Variants in LHX2 observed in about 807,000 individuals in gnomAD.
LHX2 encodes LIM/homeobox protein Lhx2.
In LHX2, 6 loss-of-function variants were observed where a neutral mutation model predicts 33.0. That is an observed-to-expected ratio of 0.18 (90% CI 0.10 to 0.36). The LOEUF (loss-of-function observed/expected upper bound fraction) is 0.36. Ranked by LOEUF, LHX2 falls within the 10% of genes least tolerant of loss-of-function variation. The probability of loss-of-function intolerance (pLI) is 1.00; values close to 1 mark genes in which losing one functional copy is unlikely to be tolerated. For missense variants in LHX2, 442 were observed against 586.2 expected (o/e 0.75, Z 2.54); for synonymous variants, 292 against 253.1 (o/e 1.15, Z -1.46).
chr9:124,021,333 T>C (rs746582028), intron 4 of LHX2, 29 bp downstream of exon 4: 8 of 1,604,380 alleles, frequency 5.0e-6, no homozygotes, highest in Non-Finnish European at 6.8e-6. Context: ...TGAGGGCATC[T>C]GCGACCACCA....
At chr9:124,023,832 T>C (rs1351194518) in intron 4 of LHX2, among the ~76,000 whole-genome samples, 1 of 152,104 alleles carries the variant, frequency 6.6e-6, no homozygotes, top group Non-Finnish European at 1.5e-5. Flanking sequence ...AATTCACCTG[T>C]TAGGTATAGA....
Position 124,014,285 on chromosome 9 carries a change from G to T in LHX2, c.323+122G>T. ...AGGGTTCACTACTCAGGACTCCCCC[G>T]CTCCCCCCCCAAGTTCTCCAAGCCA... On this transcript the variant is annotated intron_variant, in intron 2 of 4. Coordinates refer to ENST00000373615, the MANE Select transcript of LHX2 (RefSeq NM_004789.4). This position sits in a 1 kb window ranked among gnomAD's most constrained non-coding sequence, Gnocchi z 4.8. 7 of 623,398 alleles carry T rather than the reference G, an allele frequency of 1.1e-5. No individual in the cohort carries two copies. The highest frequency in any genetic ancestry group is 2.1e-5 in the Non-Finnish European group (7 of 337,322). The allele number at this position is 623,398 out of a possible 1,614,324, so 38.6% of individuals were successfully genotyped here. A position where few individuals can be genotyped will look rare whatever the true frequency, so the allele number is the denominator to read the frequency against.
At position 124,015,161 on chromosome 9, in the gene LHX2, C is replaced by T; in HGVS notation, c.363C>T (p.Gly121=). Residue 121 remains glycine (G), a synonymous_variant, in exon 3 of 5, where the codon GGC becomes GGT. Coordinates refer to ENST00000373615, the MANE Select transcript of LHX2 (RefSeq NM_004789.4). This position sits in a 1 kb window ranked among gnomAD's most constrained non-coding sequence, Gnocchi z 7.9. ...SVQRCARCHL[G]ISASEMVMRA... ...AGCGCTGCGCCCGCTGCCACCTGGG[C>T]ATCTCGGCCTCGGAGATGGTGATGC... is the stretch of plus-strand genomic sequence containing the variant. 1 of 1,613,980 alleles carries T rather than the reference C, an allele frequency of 6.2e-7. No homozygotes were observed. Among genetic ancestry groups the T allele is most frequent in the Non-Finnish European group, 8.5e-7 (1 of 1,180,042 alleles).
chr9:124,024,260 G>A (rs1043595475), intron 4 of LHX2, among the ~76,000 whole-genome samples: 3 of 152,204 alleles, frequency 2.0e-5, no homozygotes, highest in Non-Finnish European at 2.9e-5. Context: ...TTCCAGCCAC[G>A]TATCTACCTT....
rs754903200 is a variant in LHX2 at position 124,015,064 on chromosome 9, G to A, written c.324-58G>A. 6.9e-6 allele frequency: 11 copies of A among 1,585,474 alleles called. No individual in the cohort carries two copies. The highest frequency in any genetic ancestry group is 1.7e-4 in the Middle Eastern group (1 of 5,990). On this transcript the variant is annotated intron_variant, in intron 2 of 4. Coordinates refer to ENST00000373615, the MANE Select transcript of LHX2 (RefSeq NM_004789.4). The surrounding 1 kb of genome is among the most constrained non-coding windows in gnomAD (Gnocchi z 7.9). Reference sequence around the variant, plus strand: ...GCAGCAGCAGCGGCACCTGGAGGAGGAAAAGGGGGGTACCCAACCGTGTGT... The same window carrying A: ...GCAGCAGCAGCGGCACCTGGAGGAGAAAAAGGGGGGTACCCAACCGTGTGT...
At chr9:124,030,123 G>T (rs1828687444) in intron 4 of LHX2, among the ~76,000 whole-genome samples, 1 of 152,206 alleles carries the variant, frequency 6.6e-6, no homozygotes, top group Non-Finnish European at 1.5e-5. Context: ...AGGGAGCTTG[G>T]TTTCTCCACT....
chr9:124,025,585 G>T (rs763740111), intron 4 of LHX2, among the ~76,000 whole-genome samples: 30 of 152,172 alleles, frequency 2.0e-4, no homozygotes, highest in Non-Finnish European at 4.0e-4. Context: ...CCTAAGCTTG[G>T]GGAAGTGAGT....
chr9:124,032,362 T>G lies in LHX2; in HGVS notation c.934-58T>G, dbSNP rs1828712517. Reference sequence around the variant, plus strand: ...GGCAGCAGAGCTCTGAGTGAAGCAGTCGGGGGGATGCTCTGCCTGCCTTCC... The same window carrying G: ...GGCAGCAGAGCTCTGAGTGAAGCAGGCGGGGGGATGCTCTGCCTGCCTTCC... On this transcript the variant is annotated intron_variant, in intron 4 of 4. Coordinates refer to ENST00000373615, the MANE Select transcript of LHX2 (RefSeq NM_004789.4). The surrounding 1 kb of genome is among the most constrained non-coding windows in gnomAD (Gnocchi z 4.1). 6.7e-7 allele frequency: 1 copy of G among 1,481,800 alleles called. No homozygotes were observed. Among genetic ancestry groups the G allele is most frequent in the Admixed American group, 1.9e-5 (1 of 52,118 alleles). The allele number at this position is 1,481,800 out of a possible 1,614,324, so 91.8% of individuals were successfully genotyped here.
At chr9:124,013,216 G>A (rs1427556862) in intron 1 of LHX2, among the ~76,000 whole-genome samples, 2 of 152,234 alleles carry the variant, frequency 1.3e-5, no homozygotes, top group Non-Finnish European at 2.9e-5. Context: ...TGGGGAGCAC[G>A]GGAGAAGCTT....
In LHX2 at chr9:124,014,952, C is replaced by G; in HGVS notation, c.324-170C>G. On this transcript the variant is annotated intron_variant, in intron 2 of 4. Transcript: ENST00000373615. The surrounding 1 kb of genome is among the most constrained non-coding windows in gnomAD (Gnocchi z 4.8). ...AAGGGAAACTATTTTAGGACAGGAC[C>G]AGGCCTGGGTCAAAATCTAGTTCTC... 2.9e-6 allele frequency: 2 copies of G among 688,550 alleles called. No individual in the cohort carries two copies. The highest frequency in any genetic ancestry group is 2.4e-6 in the Non-Finnish European group (1 of 414,096). The allele number at this position is 688,550 out of a possible 1,614,324, so 42.7% of individuals were successfully genotyped here. A position where few individuals can be genotyped will look rare whatever the true frequency, so the allele number is the denominator to read the frequency against.
intron 4 of LHX2, among the ~76,000 whole-genome samples, chr9:124,031,151 G>A (rs1338190819): frequency 6.6e-6 from 1 of 152,136 alleles, no homozygotes; most frequent in Non-Finnish European, 1.5e-5. Flanking sequence ...GAGACTCTGC[G>A]GGTTTCAACT....
intron 1 of LHX2, among the ~76,000 whole-genome samples, chr9:124,013,267 C>T (rs1435863309): frequency 6.6e-6 from 1 of 152,250 alleles, no homozygotes; most frequent in Non-Finnish European, 1.5e-5. Context: ...AGTGTCCTCC[C>T]GGCCTCTGAG....
At position 124,030,627 on chromosome 9, in the gene LHX2, CTTTTTT is replaced by C. The variant is rs35399092; in HGVS notation, c.934-1776_934-1771del. On this transcript the variant is annotated intron_variant, in intron 4 of 4. Coordinates refer to ENST00000373615, the MANE Select transcript of LHX2 (RefSeq NM_004789.4). ...TGTAGATGAATTTCATTTTTCTTTT[CTTTTTT>C]TTTTTTTTTTTTTTTTGAGATGGAG... Among the ~76,000 whole-genome samples, 55 of 105,578 alleles carry C rather than the reference CTTTTTT, an allele frequency of 5.2e-4. 1 individual carries two copies. In the South Asian group the frequency reaches 0.015, roughly 29 times the overall value. The allele number at this position is 105,578 out of a possible 152,430, so 69.3% of individuals were successfully genotyped here. A position where few individuals can be genotyped will look rare whatever the true frequency, so the allele number is the denominator to read the frequency against.
chr9:124,026,512 G>C (rs1447970505), intron 4 of LHX2, among the ~76,000 whole-genome samples: 2 of 151,690 alleles, frequency 1.3e-5, no homozygotes, highest in African/African-American at 4.9e-5. Flanking sequence ...CATCCACCCA[G>C]AGGGCATGTG....
intron 4 of LHX2, among the ~76,000 whole-genome samples, chr9:124,021,553 T>C (rs1271841603): frequency 1.3e-5 from 2 of 152,232 alleles, no homozygotes; most frequent in Non-Finnish European, 2.9e-5. Flanking sequence ...TATCGCTCCA[T>C]CCTCATTGTC....
At position 124,012,827 on chromosome 9, in the gene LHX2, G is replaced by T. The variant is rs529136209; in HGVS notation, c.120+359G>T. Among the ~76,000 whole-genome samples the T allele has an allele frequency of 3.3e-3, 505 of 152,298 alleles. 3 individuals are homozygous for T. The highest frequency in any genetic ancestry group is 0.011 in the African/African-American group (465 of 41,564). On this transcript the variant is annotated intron_variant, in intron 1 of 4. Coordinates refer to ENST00000373615, the MANE Select transcript of LHX2 (RefSeq NM_004789.4). This position sits in a 1 kb window ranked among gnomAD's most constrained non-coding sequence, Gnocchi z 4.3. ...CCTCTCGGCTCCGGTTGCTGGCGGC[G>T]CCGCGAGCGGCGCCAGGGAAGGGCG...
rs1859102192 is a variant in LHX2, at chr9:124,012,225, G to GCGGGGC, written c.-115_-110dup. 4 of 1,015,688 alleles carry GCGGGGC rather than the reference G, an allele frequency of 3.9e-6. No homozygotes were observed. In the East Asian group the frequency reaches 1.3e-4, roughly 32 times the overall value. The allele number at this position is 1,015,688 out of a possible 1,614,324, so 62.9% of individuals were successfully genotyped here. On this transcript the variant is annotated 5_prime_UTR_variant, in exon 1 of 5. Coordinates refer to ENST00000373615, the MANE Select transcript of LHX2 (RefSeq NM_004789.4). The surrounding 1 kb of genome is among the most constrained non-coding windows in gnomAD (Gnocchi z 4.3). ...GGCCTGGGGGCTCAGCCGAGCTCGG[G>GCGGGGC]CGGGGCCGGGGCCGCGGTGGCGATG...
Position 124,012,359 on chromosome 9 carries a change from A to G in LHX2, c.11A>G (p.His4Arg). The part of the protein sequence containing the change: MLF[H>R]SLSGPEVHGV... ...GCCGGTCCCGCCGCGATGCTGTTCC[A>G]CAGTCTGTCGGGCCCCGAGGTGCAC... The change falls in exon 1 of 5, where the codon CAC becomes CGC. Residue 4 changes from histidine to arginine, a missense_variant. By Grantham distance (29) the His-to-Arg change is conservative. Around this residue, in one of 5 missense-constraint regions of LHX2, gnomAD observed 97 missense variants for 81.5 expected, o/e 1.19. Transcript: ENST00000373615. This position sits in a 1 kb window ranked among gnomAD's most constrained non-coding sequence, Gnocchi z 4.3. 1 of 1,518,872 alleles carries G rather than the reference A, an allele frequency of 6.6e-7. No homozygotes were observed. The highest frequency in any genetic ancestry group is 8.8e-7 in the Non-Finnish European group (1 of 1,138,076). The allele number at this position is 1,518,872 out of a possible 1,614,324, so 94.1% of individuals were successfully genotyped here.
Position 124,032,337 on chromosome 9 carries a change from G to A in LHX2, c.934-83G>A. The A allele has an allele frequency of 7.0e-7, 1 of 1,429,790 alleles. No individual in the cohort carries two copies. The highest frequency in any genetic ancestry group is 9.3e-7 in the Non-Finnish European group (1 of 1,075,398). 88.6% of individuals were successfully genotyped at this position (1,429,790 alleles called of 1,614,324 possible). Reference sequence around the variant, plus strand: ...CAAAACACAGATCAGCGTCCCCAGAGGCAGCAGAGCTCTGAGTGAAGCAGT... The same window carrying A: ...CAAAACACAGATCAGCGTCCCCAGAAGCAGCAGAGCTCTGAGTGAAGCAGT... On this transcript the variant is annotated intron_variant, in intron 4 of 4. Transcript: ENST00000373615. The surrounding 1 kb of genome is among the most constrained non-coding windows in gnomAD (Gnocchi z 4.1).
Sources: gnomAD v4.1 joint callset for allele counts (sites outside exome capture counted in the v4.1 genomes callset) on GRCh38, gnomAD v4.1.1 for gene constraint, gnomAD v4.1.1 regional missense constraint, Gnocchi (gnomAD v3.1) non-coding constraint, MANE v1.5 for transcripts, NCBI Gene and HGNC (gene_info 2026-07-23, HGNC 2026-07-21) for gene names.